Variants in NEMP2 observed in about 807,000 individuals in gnomAD.
NEMP2 encodes the protein UPF0571 transmembrane protein.
Under a neutral mutation model 54.2 loss-of-function variants are expected in NEMP2, and 53 were observed. That is an observed-to-expected ratio of 0.98 (90% CI 0.78 to 1.23). The LOEUF is 1.23. Among genes scored for constraint, NEMP2 ranks in the 50% most tolerant of loss-of-function variants. NEMP2 has a pLI of 0.00. For missense variants in NEMP2, 455 were observed against 511.3 expected, an observed-to-expected ratio of 0.89 and a Z score of 1.06; for synonymous variants, 197 against 190.3, an observed-to-expected ratio of 1.04 and a Z score of -0.29.
the NEMP2 span, among the ~76,000 whole-genome samples, chr2:190,464,151 T>A: frequency 6.6e-6 from 1 of 152,190 alleles, no homozygotes; most frequent in Non-Finnish European, 1.5e-5. Flanking sequence ...TGTGCGTGCA[T>A]CTTTGCGTGA....
the NEMP2 span, chr2:190,626,714 G>A: frequency 2.6e-5 from 4 of 152,240 alleles, no homozygotes; most frequent in East Asian, 7.7e-4. The surrounding 1 kb of genome is among the most constrained non-coding windows in gnomAD (Gnocchi z 4.5). Flanking sequence ...GTCCAGTCAT[G>A]CCTCATCCAC....
At chr2:190,465,026 T>C in the NEMP2 span, 1 of 550,750 alleles carries the variant, frequency 1.8e-6, no homozygotes, top group Non-Finnish European at 2.3e-6. The surrounding 1 kb of genome is among the most constrained non-coding windows in gnomAD (Gnocchi z 4.6). Context: ...ATTGTATCTA[T>C]ATCTTGAACA....
At chr2:190,599,134 A>G in the NEMP2 span, among the ~76,000 whole-genome samples, 2 of 152,184 alleles carry the variant, frequency 1.3e-5, no homozygotes, top group Admixed American at 1.3e-4. Context: ...TTATTTTGAT[A>G]TTAGTGAAGG....
the NEMP2 span, among the ~76,000 whole-genome samples, chr2:190,630,873 A>G: frequency 2.6e-5 from 4 of 152,084 alleles, no homozygotes; most frequent in African/African-American, 9.7e-5. This position sits in a 1 kb window ranked among gnomAD's most constrained non-coding sequence, Gnocchi z 5.5. Flanking sequence ...TCGAGAAATC[A>G]TAATATTGGC....
chr2:190,564,506 A>G, the NEMP2 span, among the ~76,000 whole-genome samples: 2 of 152,216 alleles, frequency 1.3e-5, no homozygotes, highest in African/African-American at 4.8e-5. This position sits in a 1 kb window ranked among gnomAD's most constrained non-coding sequence, Gnocchi z 4.2. Context: ...AAAATTTGCT[A>G]TGCCCTCTTA....
chr2:190,640,248 CATA>C, the NEMP2 span, among the ~76,000 whole-genome samples: 3 of 152,000 alleles, frequency 2.0e-5, no homozygotes, highest in East Asian at 1.9e-4. Context: ...ATAAACTTAG[CATA>C]ATATCTTAGA....
At chr2:190,584,812 G>T in the NEMP2 span, among the ~76,000 whole-genome samples, 13 of 151,888 alleles carry the variant, frequency 8.6e-5, 2 homozygotes, top group African/African-American at 2.9e-4. This position sits in a 1 kb window ranked among gnomAD's most constrained non-coding sequence, Gnocchi z 4.2. Context: ...GTAGTTCAAG[G>T]TTACAGTGAG....
chr2:190,429,597 G>A, the NEMP2 span, among the ~76,000 whole-genome samples: 2 of 152,112 alleles, frequency 1.3e-5, no homozygotes, highest in Admixed American at 6.5e-5. Context: ...TTACAGGTAT[G>A]AGCTACTGCA....
chr2:190,481,281 C>CT, the NEMP2 span, among the ~76,000 whole-genome samples: 1 of 152,286 alleles, frequency 6.6e-6, no homozygotes, highest in African/African-American at 2.4e-5. Flanking sequence ...CAGTTATAGA[C>CT]TTTTTTTAAG....
the NEMP2 span, among the ~76,000 whole-genome samples, chr2:190,553,938 A>T: frequency 1.3e-5 from 2 of 152,202 alleles, no homozygotes; most frequent in Admixed American, 1.3e-4. Context: ...AAGGCGAGTG[A>T]TATCTGCATT....
chr2:190,618,881 T>C, the NEMP2 span, among the ~76,000 whole-genome samples: 1 of 152,188 alleles, frequency 6.6e-6, no homozygotes, highest in African/African-American at 2.4e-5. Context: ...CCGGCCTAAC[T>C]TTTTACGTAC....
At chr2:190,483,983 C>G in the NEMP2 span, among the ~76,000 whole-genome samples, 1 of 151,990 alleles carries the variant, frequency 6.6e-6, no homozygotes, top group South Asian at 2.1e-4. Flanking sequence ...TTTACTGTGC[C>G]TCAAAGCCAA....
chr2:190,428,978 C>CT, the NEMP2 span, among the ~76,000 whole-genome samples: 4 of 151,944 alleles, frequency 2.6e-5, no homozygotes, highest in Non-Finnish European at 5.9e-5. Context: ...CAGCCTCAAT[C>CT]TTTTTTATTT....
At chr2:190,585,722 C>T in the NEMP2 span, among the ~76,000 whole-genome samples, 2 of 152,162 alleles carry the variant, frequency 1.3e-5, no homozygotes, top group African/African-American at 2.4e-5. The surrounding 1 kb of genome is among the most constrained non-coding windows in gnomAD (Gnocchi z 5.3). Flanking sequence ...CTGTTGATTC[C>T]TAATTTCGAT....
chr2:190,517,231 T>C (rs1427214025), intron 5 of NEMP2, among the ~76,000 whole-genome samples: 4 of 151,918 alleles, frequency 2.6e-5, no homozygotes, highest in African/African-American at 9.7e-5. Context: ...AATAGAAATT[T>C]TCACTCAATA....
the NEMP2 span, chr2:190,610,002 T>C: frequency 6.6e-6 from 1 of 152,168 alleles, no homozygotes; most frequent in Non-Finnish European, 1.5e-5. This position sits in a 1 kb window ranked among gnomAD's most constrained non-coding sequence, Gnocchi z 5.4. Flanking sequence ...TTTCAGTGAT[T>C]TCCAATTAGG....
chr2:190,479,039 A>G, the NEMP2 span, among the ~76,000 whole-genome samples: 19 of 152,114 alleles, frequency 1.2e-4, no homozygotes, highest in Non-Finnish European at 2.6e-4. Context: ...ATTCCTTGTT[A>G]TCTTCAGTCT....
chr2:190,581,491 T>A, the NEMP2 span, among the ~76,000 whole-genome samples: 37 of 152,324 alleles, frequency 2.4e-4, no homozygotes, highest in Non-Finnish European at 4.6e-4. Context: ...AGCTACTTTA[T>A]ATGCTGTGAT....
At chr2:190,551,350 C>A in the NEMP2 span, among the ~76,000 whole-genome samples, 1 of 151,420 alleles carries the variant, frequency 6.6e-6, no homozygotes, top group East Asian at 1.9e-4. Flanking sequence ...TGGTTTTAAT[C>A]TTTTTCTTTA....
Sources: allele counts gnomAD v4.1 joint callset (sites outside exome capture counted in the v4.1 genomes callset), GRCh38; gene constraint gnomAD v4.1.1; non-coding constraint Gnocchi (gnomAD v3.1); transcripts MANE v1.5; gene names NCBI Gene and HGNC (gene_info 2026-07-23, HGNC 2026-07-21).